Variants in RCOR2 observed in about 807,000 individuals in gnomAD.
The protein encoded by RCOR2 is REST corepressor 2.
RCOR2 carries 19 observed loss-of-function variants against 58.9 expected under a neutral mutation model. The observed-to-expected ratio is 0.32, with a 90% CI of 0.23 to 0.47. RCOR2 has a LOEUF of 0.47. Among genes scored for constraint, RCOR2 ranks in the 20% least tolerant of loss-of-function variants. The probability of loss-of-function intolerance (pLI) is 1.00; values close to 1 mark genes in which losing one functional copy is unlikely to be tolerated. For missense variants in RCOR2, 590 were observed against 707.9 expected, an observed-to-expected ratio of 0.83 and a Z score of 1.89; for synonymous variants, 286 against 278.7, an observed-to-expected ratio of 1.03 and a Z score of -0.26.
chr11:63,911,860 A>G lies in RCOR2; in HGVS notation c.*5T>C. The stretch of plus-strand genomic sequence containing the variant: ...GAGCCCGTGGTTGGTGGAGGACGTC[A>G]GGGCTCAGAGTGAGGGTGCTGGGGG... On this transcript the variant is annotated 3_prime_UTR_variant, in exon 12 of 12. Transcript: ENST00000301459. 1.4e-6 allele frequency: 2 copies of G among 1,419,880 alleles called. No individual in the cohort carries two copies. The highest frequency in any genetic ancestry group is 1.8e-6 in the Non-Finnish European group (2 of 1,083,862). 88.0% of individuals were successfully genotyped at this position (1,419,880 alleles called of 1,614,324 possible). A position where few individuals can be genotyped will look rare whatever the true frequency, so the allele number is the denominator to read the frequency against.
chr11:63,917,936 G>A (rs959912930), upstream of RCOR2, among the ~76,000 whole-genome samples: 3 of 152,064 alleles, frequency 2.0e-5, no homozygotes, highest in Non-Finnish European at 4.4e-5. Flanking sequence ...GGGTAGAGCG[G>A]CACAGACGGA....
chr11:63,923,030 C>G, the RCOR2 span, among the ~76,000 whole-genome samples: 1 of 152,096 alleles, frequency 6.6e-6, no homozygotes, highest in Admixed American at 6.5e-5. Context: ...TAGCATAGGA[C>G]CTTGCCTCCC....
upstream of RCOR2, among the ~76,000 whole-genome samples, chr11:63,918,791 G>A (rs1941895997): frequency 6.6e-6 from 1 of 151,370 alleles, no homozygotes; most frequent in South Asian, 2.1e-4. Flanking sequence ...CCCCCTATTA[G>A]GCAGGGCCTC....
the RCOR2 span, among the ~76,000 whole-genome samples, chr11:63,927,643 C>A: frequency 6.6e-6 from 1 of 152,158 alleles, no homozygotes; most frequent in Non-Finnish European, 1.5e-5. Context: ...CAGCAACTTA[C>A]ACAGTTTCAC....
Position 63,915,576 on chromosome 11 carries a change from C to G in RCOR2, c.163G>C (p.Val55Leu). Reference sequence around the variant, plus strand: ...TCACCAGGCTTGCACTCCGGAATTACGGCCTGGTAATTGGTTCCAACGCGG... The same window carrying G: ...TCACCAGGCTTGCACTCCGGAATTAGGGCCTGGTAATTGGTTCCAACGCGG... ...MIRVGTNYQA[V>L]IPECKPESPA... Residue 55 changes from valine (V) to leucine (L), a missense_variant, in exon 2 of 12, where the codon GTA becomes CTA. Coordinates refer to ENST00000301459, the MANE Select transcript of RCOR2 (RefSeq NM_173587.4). The G allele has an allele frequency of 6.7e-7, 1 of 1,498,524 alleles. No homozygotes were observed. The highest frequency in any genetic ancestry group is 9.0e-7 in the Non-Finnish European group (1 of 1,112,416). The allele number at this position is 1,498,524 out of a possible 1,614,324, so 92.8% of individuals were successfully genotyped here.
chr11:63,922,636 G>A, the RCOR2 span, among the ~76,000 whole-genome samples: 2 of 152,194 alleles, frequency 1.3e-5, no homozygotes, highest in Non-Finnish European at 2.9e-5. Flanking sequence ...ACAAGTGTGA[G>A]CCACTGCGCC....
At chr11:63,922,627 C>T in the RCOR2 span, among the ~76,000 whole-genome samples, 2 of 152,230 alleles carry the variant, frequency 1.3e-5, no homozygotes, top group Non-Finnish European at 2.9e-5. Context: ...GTTGGGATTA[C>T]AAGTGTGAGC....
Position 63,916,645 on chromosome 11 carries a change from AC to A in RCOR2, c.-190del. The A allele has an allele frequency of 3.1e-6, 3 of 969,202 alleles. No individual in the cohort carries two copies. Among genetic ancestry groups the A allele is most frequent in the Non-Finnish European group, 4.4e-6 (3 of 684,074 alleles). The allele number at this position is 969,202 out of a possible 1,614,324, so 60.0% of individuals were successfully genotyped here. ...CCTGGTAGCCCCAGCGCTCTCCACG[AC>A]CCCCACGAGCCAGGGCGTCAGAAAA... On this transcript the variant is annotated 5_prime_UTR_variant, in exon 1 of 12. Coordinates refer to ENST00000301459, the MANE Select transcript of RCOR2 (RefSeq NM_173587.4).
At chr11:63,913,851 C>T (rs576890938) in intron 8 of RCOR2, 103 bp downstream of exon 8, 18 of 1,079,142 alleles carry the variant, frequency 1.7e-5, no homozygotes, top group African/African-American at 1.4e-4. Context: ...GGATGGGGCT[C>T]GGCCCCTGAA....
chr11:63,917,197 G>A (rs1941872339), upstream of RCOR2, among the ~76,000 whole-genome samples: 2 of 151,634 alleles, frequency 1.3e-5, no homozygotes, highest in Non-Finnish European at 2.9e-5. Flanking sequence ...TGCCGGCTGC[G>A]GCCTCAGCAC....
In RCOR2 at chr11:63,911,620, C is replaced by A; in HGVS notation, c.*245G>T. 2.1e-6 allele frequency: 1 copy of A among 478,128 alleles called. No homozygotes were observed. The highest frequency in any genetic ancestry group is 4.4e-5 in the Admixed American group (1 of 22,670). 29.6% of individuals were successfully genotyped at this position (478,128 alleles called of 1,614,324 possible). On this transcript the variant is annotated 3_prime_UTR_variant, in exon 12 of 12. Transcript: ENST00000301459. The stretch of plus-strand genomic sequence containing the variant: ...AGGACACAGCCATTCCAGTACCGGC[C>A]AGGAAGCGAAAGTGCCCTCAGGCCA...
the RCOR2 span, among the ~76,000 whole-genome samples, chr11:63,926,317 A>C: frequency 6.6e-6 from 1 of 152,306 alleles, no homozygotes; most frequent in East Asian, 1.9e-4. Context: ...TCAAAGCCTC[A>C]GAAATAATAC....
At position 63,912,872 on chromosome 11, in the gene RCOR2, C is replaced by G; in HGVS notation, c.967G>C (p.Glu323Gln). The change falls in exon 9 of 12, where the codon GAG (glutamate) becomes CAG (glutamine). Residue 323 changes from glutamate (E) to glutamine (Q), a missense_variant and splice_region_variant. Transcript: ENST00000301459. The stretch of plus-strand genomic sequence containing the variant: ...CCTAACTTAAAGAGCAGCCATACCT[C>G]CGGGGGGCGTAGTGGATCAATACCG... ...EGGIDPLRPPEANTKFNSRWT... is the reference protein window; with the variant it reads ...EGGIDPLRPPQANTKFNSRWT... The G allele has an allele frequency of 6.2e-7, 1 of 1,613,754 alleles. No individual in the cohort carries two copies.
At position 63,916,465 on chromosome 11, in the gene RCOR2, C is replaced by T. The variant is rs1266550557; in HGVS notation, c.-9G>A. ...TCCATCACTGAGGGCATTACCCCGC[C>T]CAGCTGCCCCGGGGGGCGCAGGAGC... On this transcript the variant is annotated 5_prime_UTR_variant, in exon 1 of 12. Transcript: ENST00000301459. 1.2e-6 allele frequency: 2 copies of T among 1,604,668 alleles called. No homozygotes were observed. Among genetic ancestry groups the T allele is most frequent in the South Asian group, 2.2e-5 (2 of 89,932 alleles).
chr11:63,913,727 C>T (rs535720348), intron 8 of RCOR2, among the ~76,000 whole-genome samples: 6 of 152,288 alleles, frequency 3.9e-5, no homozygotes, highest in Admixed American at 1.3e-4. Flanking sequence ...GGTGATCCGC[C>T]GGCCTCAGTC....
rs1330075371 is a variant in RCOR2 at position 63,912,543 on chromosome 11, G to A, written c.1028-9C>T. Reference sequence around the variant, plus strand: ...GCCATACCTACGGATGGCTGCAAGGGTCAAAAGGGCAGCAGCGTCAATACC... The same window carrying A: ...GCCATACCTACGGATGGCTGCAAGGATCAAAAGGGCAGCAGCGTCAATACC... On this transcript the variant is annotated splice_polypyrimidine_tract_variant and intron_variant, in intron 10 of 11. Coordinates refer to ENST00000301459, the MANE Select transcript of RCOR2 (RefSeq NM_173587.4). The A allele has an allele frequency of 1.9e-6, 3 of 1,608,418 alleles. No individual in the cohort carries two copies. The highest frequency in any genetic ancestry group is 3.3e-5 in the Admixed American group (2 of 60,014).
At chr11:63,915,382 G>A (rs1401269518) in intron 2 of RCOR2, 124 bp from the exon 3 acceptor site, 3 of 1,113,442 alleles carry the variant, frequency 2.7e-6, no homozygotes, top group East Asian at 2.6e-5. Flanking sequence ...GGGAAGGAGG[G>A]GCAGAGACCC....
At chr11:63,918,465 C>T (rs560949953), upstream of RCOR2, among the ~76,000 whole-genome samples, 15 of 152,322 alleles carry the variant, frequency 9.8e-5, no homozygotes, top group Non-Finnish European at 1.5e-4. Flanking sequence ...CCAGCGGCCA[C>T]GTTGCCCGCC....
Position 63,914,275 on chromosome 11 carries a change from C to T in RCOR2, c.661G>A (p.Asp221Asn), listed in dbSNP as rs1488210493. ...TGGGAGCTCACCTCTCTCTTGGGAT[C>T]TGCAGGATCGGGCTCTCCCTCACTC... ...GVSEGEPDPA[D>N]PKREPLPSRP... Residue 221 changes from aspartate (D) to asparagine (N), a missense_variant, in exon 7 of 12, where the codon GAT becomes AAT. This residue lies in a region of RCOR2 where 390 missense variants were observed against 478.7 expected (regional missense o/e 0.81). Transcript: ENST00000301459. 13 of 1,613,600 alleles carry T rather than the reference C, an allele frequency of 8.1e-6. No individual in the cohort carries two copies. Among genetic ancestry groups the T allele is most frequent in the Admixed American group, 1.7e-5 (1 of 60,022 alleles).
Sources: allele counts gnomAD v4.1 joint callset (sites outside exome capture counted in the v4.1 genomes callset), GRCh38; gene constraint gnomAD v4.1.1; regional missense constraint gnomAD v4.1.1; transcripts MANE v1.5; gene names NCBI Gene and HGNC (gene_info 2026-07-23, HGNC 2026-07-21).